The following CD53 variants were observed in gnomAD, a reference collection of about 807,000 sequenced individuals.
The protein encoded by CD53 is CD53 molecule.
CD53 carries 20 observed loss-of-function variants against 27.3 expected under a neutral mutation model. The ratio of observed to expected loss-of-function variants is 0.73; its 90% CI spans 0.52 to 1.07. The LOEUF (loss-of-function observed/expected upper bound fraction) is 1.07, where lower values mean the gene tolerates loss of function less well. CD53 is among the 50% of genes least tolerant of loss of function. The pLI is 0.00. For missense variants in CD53, 216 were observed against 264.0 expected (o/e 0.82, Z 1.26); for synonymous variants, 106 against 105.3 (o/e 1.01, Z -0.04).
Position 110,899,074 on chromosome 1 carries a change from G to T in CD53, c.589-50G>T, listed in dbSNP as rs1219181061. The T allele has an allele frequency of 2.8e-6, 4 of 1,443,616 alleles. No individual in the cohort carries two copies. The South Asian group carries it at 3.5e-5, about 12-fold the overall frequency. The allele number at this position is 1,443,616 out of a possible 1,614,324, so 89.4% of individuals were successfully genotyped here. On this transcript the variant is annotated intron_variant, in intron 7 of 7. Transcript: ENST00000271324. ...GAGGCCAATCCCAGGCATTGTGAAA[G>T]AAATGGCTTTTCTTATGAAGACTTC...
intron 3 of CD53, among the ~76,000 whole-genome samples, chr1:110,894,124 A>G (rs1656963246): frequency 6.6e-6 from 1 of 152,252 alleles, no homozygotes; most frequent in African/African-American, 2.4e-5. Context: ...AGAGCAAAGA[A>G]GACAGTTGAT....
chr1:110,878,284 G>A (rs931874307), intron 1 of CD53, among the ~76,000 whole-genome samples: 8 of 152,274 alleles, frequency 5.3e-5, no homozygotes, highest in East Asian at 1.9e-4. Flanking sequence ...GCAGATTTTC[G>A]CTCCTATTTA....
rs76272444 is a variant in CD53, at chr1:110,891,331, C to T, written c.-17-61C>T. The T allele has an allele frequency of 1.3e-3, 1,513 of 1,152,218 alleles. 6 individuals carry two copies. Among genetic ancestry groups the T allele is most frequent in the Non-Finnish European group, 1.7e-3 (1,309 of 759,786 alleles). The allele number at this position is 1,152,218 out of a possible 1,614,324, so 71.4% of individuals were successfully genotyped here. Reference sequence around the variant, plus strand: ...CTAGAGATCCCTGAACATTTGTGCACTCTGATCTCTGGCTACCTTACAGAG... The same window carrying T: ...CTAGAGATCCCTGAACATTTGTGCATTCTGATCTCTGGCTACCTTACAGAG... On this transcript the variant is annotated intron_variant, in intron 1 of 7. Transcript: ENST00000271324.
At chr1:110,898,691 C>G (rs533387139) in intron 7 of CD53, among the ~76,000 whole-genome samples, 1 of 29,572 alleles carries the variant, frequency 3.4e-5, no homozygotes, top group East Asian at 9.6e-4. Context: ...TGTGATATTT[C>G]TAACATTTTT....
intron 1 of CD53, among the ~76,000 whole-genome samples, chr1:110,890,665 C>T (rs1656815202): frequency 6.6e-6 from 1 of 152,180 alleles, no homozygotes; most frequent in African/African-American, 2.4e-5. Flanking sequence ...GAGAACCAGA[C>T]ATTGGACATT....
chr1:110,881,093 G>A (rs894632614), intron 1 of CD53, among the ~76,000 whole-genome samples: 2 of 152,212 alleles, frequency 1.3e-5, no homozygotes, highest in Non-Finnish European at 2.9e-5. Flanking sequence ...GTGGAGTGAT[G>A]GACAGGAGCA....
At chr1:110,886,869 A>ATATT (rs1298376721) in intron 1 of CD53, among the ~76,000 whole-genome samples, 1,552 of 82,728 alleles carry the variant, frequency 0.019, 16 homozygotes, top group Non-Finnish European at 0.026. Flanking sequence ...ATATATATAT[A>ATATT]TTTTTTTTTT....
intron 1 of CD53, among the ~76,000 whole-genome samples, chr1:110,879,142 C>A (rs888838426): frequency 1.3e-5 from 2 of 152,068 alleles, no homozygotes; most frequent in African/African-American, 4.8e-5. Flanking sequence ...CTGTTAGAAG[C>A]TAAGGGTTAC....
chr1:110,877,809 G>A (rs760032425), intron 1 of CD53, among the ~76,000 whole-genome samples: 6 of 152,166 alleles, frequency 3.9e-5, no homozygotes, highest in South Asian at 2.1e-4. Flanking sequence ...CTTTGGCTTC[G>A]TTTTATTTTA....
chr1:110,879,505 T>G (rs1484162907), intron 1 of CD53, among the ~76,000 whole-genome samples: 4 of 144,672 alleles, frequency 2.8e-5, no homozygotes, highest in Non-Finnish European at 6.2e-5. Flanking sequence ...TATAAACATA[T>G]TTTTGTCTTA....
rs1657225340 is a variant in CD53, at chr1:110,899,624, C to T, written c.*429C>T. 5.9e-6 allele frequency: 1 copy of T among 170,462 alleles called. No homozygotes were observed. The highest frequency in any genetic ancestry group is 2.4e-5 in the African/African-American group (1 of 41,590). The allele number at this position is 170,462 out of a possible 1,614,324, so 10.6% of individuals were successfully genotyped here. A position where few individuals can be genotyped will look rare whatever the true frequency, so the allele number is the denominator to read the frequency against. ...AGTTGAAGGGAGTTCTGGGGCCAGG[C>T]TCACTGGACCATTGTCACAACCCTC... On this transcript the variant is annotated 3_prime_UTR_variant, in exon 8 of 8. Coordinates refer to ENST00000271324, the MANE Select transcript of CD53 (RefSeq NM_000560.4).
At chr1:110,893,087 C>G (rs541706448) in intron 3 of CD53, among the ~76,000 whole-genome samples, 1 of 152,310 alleles carries the variant, frequency 6.6e-6, no homozygotes, top group Admixed American at 6.5e-5. Context: ...TGTTCCCTAT[C>G]AGGTACTATC....
chr1:110,877,641 C>A (rs1489348122), intron 1 of CD53, among the ~76,000 whole-genome samples: 1 of 152,148 alleles, frequency 6.6e-6, no homozygotes, highest in Non-Finnish European at 1.5e-5. Context: ...TTCCTTATTT[C>A]TCTCTTCTTC....
chr1:110,876,222 A>C (rs190981820), intron 1 of CD53, among the ~76,000 whole-genome samples: 2 of 152,268 alleles, frequency 1.3e-5, no homozygotes, highest in East Asian at 3.9e-4. Flanking sequence ...CTTGTCCAAA[A>C]ATCATAAAAT....
In CD53 at chr1:110,892,266, A is replaced by G. The variant is rs1656883237; in HGVS notation, c.64-79A>G. The G allele has an allele frequency of 2.9e-5, 29 of 992,150 alleles. No individual in the cohort carries two copies. The South Asian group carries it at 3.6e-4, about 12-fold the overall frequency. 61.5% of individuals were successfully genotyped at this position (992,150 alleles called of 1,614,324 possible). A position where few individuals can be genotyped will look rare whatever the true frequency, so the allele number is the denominator to read the frequency against. On this transcript the variant is annotated intron_variant, in intron 2 of 7. Transcript: ENST00000271324. ...GCCAGTTAAAAATAAAGTGATTCTG[A>G]TCTCAAGGAAGTGAGAATATGAGGA...
At chr1:110,879,880 T>C (rs561057276) in intron 1 of CD53, among the ~76,000 whole-genome samples, 2 of 152,210 alleles carry the variant, frequency 1.3e-5, no homozygotes, top group Admixed American at 6.5e-5. Flanking sequence ...ATCGAGGTTC[T>C]TGAAGCCTCT....
chr1:110,872,377 A>G (rs1284029028), upstream of CD53, among the ~76,000 whole-genome samples: 1 of 152,202 alleles, frequency 6.6e-6, no homozygotes, highest in Non-Finnish European at 1.5e-5. Flanking sequence ...GTTTTCTTGT[A>G]TATAAATAAG....
At chr1:110,883,441 G>A (rs1178420301) in intron 1 of CD53, among the ~76,000 whole-genome samples, 1 of 151,846 alleles carries the variant, frequency 6.6e-6, no homozygotes, top group Non-Finnish European at 1.5e-5. Context: ...TATATCGTTA[G>A]ATGCTTTTTA....
chr1:110,892,323 G>A, intron 2 of CD53, 22 bp from the exon 3 acceptor site: 1 of 1,601,230 alleles, frequency 6.2e-7, no homozygotes, highest in Non-Finnish European at 8.6e-7. Flanking sequence ...GCTTCAGGAT[G>A]TTGTGGGATT....
Sources: allele counts gnomAD v4.1 joint callset (sites outside exome capture counted in the v4.1 genomes callset), GRCh38; gene constraint gnomAD v4.1.1; transcripts MANE v1.5; gene names NCBI Gene and HGNC (gene_info 2026-07-23, HGNC 2026-07-21).